The following EGLN1 variants were observed in gnomAD, a reference collection of about 807,000 sequenced individuals.
EGLN1 encodes egl-9 family hypoxia inducible factor 1.
Under a neutral mutation model 38.3 loss-of-function variants are expected in EGLN1, and 17 were observed. That is an observed-to-expected ratio of 0.44 (90% CI 0.30 to 0.67). The LOEUF (loss-of-function observed/expected upper bound fraction) is 0.67, where lower values mean the gene tolerates loss of function less well. EGLN1 is among the 30% of genes least tolerant of loss of function. The pLI is 0.08. For missense variants in EGLN1, 477 were observed against 603.3 expected, an observed-to-expected ratio of 0.79 and a Z score of 2.19; for synonymous variants, 283 against 257.5, an observed-to-expected ratio of 1.10 and a Z score of -0.95.
intron 1 of EGLN1, among the ~76,000 whole-genome samples, chr1:231,412,954 T>C (rs115456234): frequency 9.1e-4 from 138 of 152,352 alleles, no homozygotes; most frequent in African/African-American, 3.2e-3. Flanking sequence ...AAATCTCATT[T>C]GATTCTACTT....
intron 1 of EGLN1, among the ~76,000 whole-genome samples, chr1:231,412,491 G>A (rs1180059112): frequency 6.6e-6 from 1 of 152,068 alleles, no homozygotes; most frequent in African/African-American, 2.4e-5. Context: ...TTCTTTTTAC[G>A]TGGATTCACA....
At chr1:231,392,270 G>C (rs1688412226) in intron 1 of EGLN1, among the ~76,000 whole-genome samples, 1 of 152,038 alleles carries the variant, frequency 6.6e-6, no homozygotes, top group African/African-American at 2.4e-5. Flanking sequence ...CTGGGCGACA[G>C]AGCGAGACTC....
At chr1:231,406,028 G>A (rs550037451) in intron 1 of EGLN1, among the ~76,000 whole-genome samples, 61 of 93,992 alleles carry the variant, frequency 6.5e-4, no homozygotes, top group Admixed American at 3.2e-3. Flanking sequence ...TATTACTAAG[G>A]CTTTTTTTTT....
At chr1:231,369,525 G>T (rs1313504614) in intron 3 of EGLN1, 1 of 980,254 alleles carries the variant, frequency 1.0e-6, no homozygotes, top group Non-Finnish European at 1.2e-6. Context: ...ATCATGTGAT[G>T]TGACAGTCTT....
chr1:231,366,541 A>G (rs953942374), intron 4 of EGLN1, 66 bp from the exon 5 acceptor site: 2 of 1,410,290 alleles, frequency 1.4e-6, no homozygotes, highest in South Asian at 2.3e-5. Context: ...CTGCTACTGC[A>G]TTCCACTGAA....
At chr1:231,383,270 A>AT (rs1184132971) in intron 1 of EGLN1, among the ~76,000 whole-genome samples, 6 of 152,090 alleles carry the variant, frequency 3.9e-5, no homozygotes, top group Non-Finnish European at 8.8e-5. Flanking sequence ...TGTAACACTC[A>AT]TTTAACTGTA....
At chr1:231,407,275 T>C (rs1158672439) in intron 1 of EGLN1, among the ~76,000 whole-genome samples, 1 of 152,186 alleles carries the variant, frequency 6.6e-6, no homozygotes, top group Admixed American at 6.5e-5. Flanking sequence ...AATCTAGAAA[T>C]GTGGTTAAGG....
At position 231,403,321 on chromosome 1, in the gene EGLN1, A is replaced by C. The variant is rs1258125089; in HGVS notation, c.891+17677T>G. ...TCCTATTTAAGAATTACTGAGAAAG[A>C]AGTATTGAAATTTCCAGCTATAATT... is the stretch of plus-strand genomic sequence containing the variant. On this transcript the variant is annotated intron_variant, in intron 1 of 4. Coordinates refer to ENST00000366641, the MANE Select transcript of EGLN1 (RefSeq NM_022051.3). 2.6e-5 allele frequency among the ~76,000 whole-genome samples: 4 copies of C among 152,204 alleles called. No individual in the cohort carries two copies. The East Asian group carries it at 7.7e-4, about 29-fold the overall frequency.
rs1306545749 is a variant in EGLN1, at chr1:231,400,237, C to A, written c.891+20761G>T. On this transcript the variant is annotated intron_variant, in intron 1 of 4. Coordinates refer to ENST00000366641, the MANE Select transcript of EGLN1 (RefSeq NM_022051.3). ...ATGCCCTACACAAGAATTCTCAGAC[C>A]CAAATGTGAATTAGAATCTCCAGGA... 4.6e-5 allele frequency among the ~76,000 whole-genome samples: 7 copies of A among 151,882 alleles called. No individual in the cohort carries two copies. In the East Asian group the frequency reaches 1.4e-3, roughly 29 times the overall value.
At chr1:231,380,096 A>C (rs1275821522) in intron 1 of EGLN1, among the ~76,000 whole-genome samples, 1 of 152,140 alleles carries the variant, frequency 6.6e-6, no homozygotes, top group Non-Finnish European at 1.5e-5. Flanking sequence ...TGGAAATGTA[A>C]ATTTAGGAGC....
chr1:231,392,696 T>C (rs1037141070), intron 1 of EGLN1, among the ~76,000 whole-genome samples: 1 of 152,206 alleles, frequency 6.6e-6, no homozygotes, highest in Non-Finnish European at 1.5e-5. Flanking sequence ...AAGACTAGCA[T>C]AGCACCTGGT....
At chr1:231,384,784 A>G (rs1688158382) in intron 1 of EGLN1, among the ~76,000 whole-genome samples, 1 of 152,236 alleles carries the variant, frequency 6.6e-6, no homozygotes, top group African/African-American at 2.4e-5. Flanking sequence ...TTTTATAAGT[A>G]AAGCTGTATT....
Position 231,380,058 on chromosome 1 carries a change from G to GAA in EGLN1, c.892-5960_892-5959insTT, listed in dbSNP as rs35657023. ...ATGTTCAAAGGGCAGTTGGAAACTT[G>GAA]TGTGGAACTCCAAAAAAAAGTCATG... is the stretch of plus-strand genomic sequence containing the variant. On this transcript the variant is annotated intron_variant, in intron 1 of 4. Coordinates refer to ENST00000366641, the MANE Select transcript of EGLN1 (RefSeq NM_022051.3). 1.2e-4 allele frequency among the ~76,000 whole-genome samples: 4 copies of GAA among 34,644 alleles called. No individual in the cohort carries two copies. In the Admixed American group the frequency reaches 1.2e-3, roughly 11 times the overall value. 22.7% of individuals were successfully genotyped at this position (34,644 alleles called of 152,430 possible).
At chr1:231,367,462 G>C (rs1255824462) in intron 4 of EGLN1, 107 bp downstream of exon 4, 3 of 1,124,080 alleles carry the variant, frequency 2.7e-6, no homozygotes, top group Non-Finnish European at 4.0e-6. Flanking sequence ...AAAACAAAAA[G>C]TAAGTATTCA....
At position 231,421,469 on chromosome 1, in the gene EGLN1, G is replaced by T. The variant is rs1169347204; in HGVS notation, c.420C>A (p.Ala140=). ...GCTCCTCCTTGCCGGGCTCGGCTTC[G>T]GCAGCCACCGCCGAGCCCTGGCCGC... The part of the protein sequence containing the change: ...AAGGQGSAVA[A]EAEPGKEEPP... The change falls in exon 1 of 5, where the codon GCC becomes GCA. Residue 140 remains alanine, a synonymous_variant. Coordinates refer to ENST00000366641, the MANE Select transcript of EGLN1 (RefSeq NM_022051.3). The surrounding 1 kb of genome is among the most constrained non-coding windows in gnomAD (Gnocchi z 5.5). 6.9e-7 allele frequency: 1 copy of T among 1,456,420 alleles called. No homozygotes were observed. The highest frequency in any genetic ancestry group is 2.7e-5 in the Admixed American group (1 of 36,634). The allele number at this position is 1,456,420 out of a possible 1,614,324, so 90.2% of individuals were successfully genotyped here.
chr1:231,366,607 C>T (rs773036219), intron 4 of EGLN1, 132 bp from the exon 5 acceptor site: 13 of 913,570 alleles, frequency 1.4e-5, no homozygotes, highest in Non-Finnish European at 2.0e-5. Flanking sequence ...AGAACTATCA[C>T]GCTTGTACTT....
At chr1:231,393,520 A>G (rs1688445949) in intron 1 of EGLN1, among the ~76,000 whole-genome samples, 1 of 152,204 alleles carries the variant, frequency 6.6e-6, no homozygotes, top group Admixed American at 6.5e-5. Flanking sequence ...TACCTGCCTC[A>G]AAGGGTTGAT....
At position 231,421,196 on chromosome 1, in the gene EGLN1, G is replaced by A. The variant is rs373054624; in HGVS notation, c.693C>T (p.Asp231=). 1 of 1,614,096 alleles carries A rather than the reference G, an allele frequency of 6.2e-7. No individual in the cohort carries two copies. ...QIGDEVRALH[D]TGKFTDGQLV... ...GCTGCCCGTCCGTGAACTTCCCGGT[G>A]TCGTGCAGGGCGCGCACCTCGTCGC... Residue 231 remains aspartate, a synonymous_variant, in exon 1 of 5, where the codon GAC becomes GAT. Transcript: ENST00000366641. This position sits in a 1 kb window ranked among gnomAD's most constrained non-coding sequence, Gnocchi z 5.5.
intron 1 of EGLN1, among the ~76,000 whole-genome samples, chr1:231,396,442 C>T (rs904423788): frequency 3.3e-5 from 5 of 152,064 alleles, no homozygotes; most frequent in African/African-American, 7.2e-5. Context: ...TTAGTAGAGA[C>T]GGGGTTTCAC....
Sources: allele counts gnomAD v4.1 joint callset (sites outside exome capture counted in the v4.1 genomes callset), GRCh38; gene constraint gnomAD v4.1.1; non-coding constraint Gnocchi (gnomAD v3.1); transcripts MANE v1.5; gene names NCBI Gene and HGNC (gene_info 2026-07-23, HGNC 2026-07-21).